The following FRMD4B variants were observed in gnomAD, a reference collection of about 807,000 sequenced individuals.
FRMD4B encodes FERM domain containing 4B, also known as FERM domain-containing protein 4B.
Under a neutral mutation model 141.5 loss-of-function variants are expected in FRMD4B, and 74 were observed. That is an observed-to-expected ratio of 0.52 (90% CI 0.43 to 0.63). The LOEUF (loss-of-function observed/expected upper bound fraction) is 0.63, where lower values mean the gene tolerates loss of function less well. Ranked by LOEUF, FRMD4B falls within the 30% of genes least tolerant of loss-of-function variation. The probability of loss-of-function intolerance (pLI) is 0.00; values close to 1 mark genes in which losing one functional copy is unlikely to be tolerated. For synonymous variants in FRMD4B, 506 were observed against 467.9 expected (o/e 1.08, Z -1.05); for missense variants, 1,366 against 1,253.4 (o/e 1.09, Z -1.36).
intron 18 of FRMD4B, 72 bp from the exon 19 acceptor site, chr3:69,187,989 C>A: frequency 1.2e-6 from 1 of 800,682 alleles, no homozygotes; most frequent in Non-Finnish European, 2.0e-6. Context: ...CTTGCCAATA[C>A]CTCAAAAAAG....
intron 1 of FRMD4B, among the ~76,000 whole-genome samples, chr3:69,522,054 C>T (rs1271335329): frequency 6.6e-6 from 1 of 152,136 alleles, no homozygotes; most frequent in Non-Finnish European, 1.5e-5. Context: ...AACTACTTTG[C>T]TTTTTATTCT....
intron 1 of FRMD4B, among the ~76,000 whole-genome samples, chr3:69,363,714 AC>A (rs1703547417): frequency 6.6e-6 from 1 of 152,160 alleles, no homozygotes; most frequent in African/African-American, 2.4e-5. Context: ...TCAAGAACAG[AC>A]AGCTTTTTAA....
chr3:69,241,950 G>C (rs1054430343), intron 7 of FRMD4B, among the ~76,000 whole-genome samples: 5 of 152,108 alleles, frequency 3.3e-5, no homozygotes, highest in African/African-American at 1.2e-4. Context: ...TAAAATGCAT[G>C]TGGTTTGGAG....
intron 1 of FRMD4B, among the ~76,000 whole-genome samples, chr3:69,330,953 T>A (rs1358847986): frequency 6.6e-6 from 1 of 152,228 alleles, no homozygotes; most frequent in Admixed American, 6.5e-5. Context: ...CATGTCATTA[T>A]GCTCTGTCGG....
intron 1 of FRMD4B, among the ~76,000 whole-genome samples, chr3:69,464,943 G>A (rs1378079274): frequency 6.6e-6 from 1 of 152,158 alleles, no homozygotes; most frequent in African/African-American, 2.4e-5. Flanking sequence ...ACAAAGAGAT[G>A]GAGGGAAAAC....
At chr3:69,198,432 A>C in intron 12 of FRMD4B, 1 of 410,482 alleles carries the variant, frequency 2.4e-6, no homozygotes, top group Non-Finnish European at 4.4e-6. Flanking sequence ...AAAACTAAAA[A>C]TAACAAGTGT....
chr3:69,385,798 G>A, intron 1 of FRMD4B, 30 bp downstream of exon 1: 1 of 1,509,010 alleles, frequency 6.6e-7, no homozygotes, highest in Non-Finnish European at 8.9e-7. Flanking sequence ...ATCCTGCTGG[G>A]GCCCTCGGGT....
At chr3:69,445,932 C>T (rs1037361959) in intron 1 of FRMD4B, among the ~76,000 whole-genome samples, 4 of 152,206 alleles carry the variant, frequency 2.6e-5, no homozygotes, top group Non-Finnish European at 5.9e-5. Flanking sequence ...GGAGATATTG[C>T]TTTGTCCTGT....
chr3:69,182,721 T>C lies in FRMD4B; in HGVS notation c.1920-4A>G. On this transcript the variant is annotated splice_polypyrimidine_tract_variant and splice_region_variant and intron_variant, in intron 19 of 22. Coordinates refer to ENST00000398540, the MANE Select transcript of FRMD4B (RefSeq NM_015123.3). ...GCTGTGTGTGGACAGCATTTCTCTGTGATGATAAAAAGAAGAATTCAGGAA... is the reference window on the plus strand; with the variant it reads ...GCTGTGTGTGGACAGCATTTCTCTGCGATGATAAAAAGAAGAATTCAGGAA... The C allele has an allele frequency of 1.2e-6, 2 of 1,610,286 alleles. No homozygotes were observed. The highest frequency in any genetic ancestry group is 8.5e-7 in the Non-Finnish European group (1 of 1,178,962).
intron 14 of FRMD4B, among the ~76,000 whole-genome samples, chr3:69,196,019 T>C (rs570078723): frequency 1.3e-5 from 2 of 152,346 alleles, no homozygotes; most frequent in African/African-American, 2.4e-5. Context: ...CACACCTTGG[T>C]ACTCACCATC....
intron 3 of FRMD4B, among the ~76,000 whole-genome samples, chr3:69,309,942 G>A (rs78872816): frequency 0.029 from 4,361 of 152,222 alleles, 134 homozygotes; most frequent in Admixed American, 0.094. Flanking sequence ...ATGTGTGTGC[G>A]TGTTCAATCA....
In FRMD4B at chr3:69,181,454, A is replaced by T. The variant is rs200552074; in HGVS notation, c.2296T>A (p.Ser766Thr). 8.8e-5 allele frequency: 142 copies of T among 1,613,136 alleles called. No individual in the cohort carries two copies. The highest frequency in any genetic ancestry group is 1.1e-4 in the Non-Finnish European group (135 of 1,179,730). The part of the protein sequence containing the change: ...LDTRTRGRRR[S>T]KKQNVSTSNS... ...GAAGTAGAAACATTCTGTTTCTTTGACCTCCTCCGACCCCTGGTGCGAGTG... is the reference window on the plus strand; with the variant it reads ...GAAGTAGAAACATTCTGTTTCTTTGTCCTCCTCCGACCCCTGGTGCGAGTG... Residue 766 changes from serine (S) to threonine (T), a missense_variant, in exon 21 of 23, where the codon TCA becomes ACA. Coordinates refer to ENST00000398540, the MANE Select transcript of FRMD4B (RefSeq NM_015123.3).
At chr3:69,536,385 C>T in intron 1 of FRMD4B, 1 of 711,230 alleles carries the variant, frequency 1.4e-6, no homozygotes, top group South Asian at 1.5e-5. Context: ...GGCTGCGGCA[C>T]ATGCCAGTGG....
Position 69,289,589 on chromosome 3 carries a change from A to G in FRMD4B, c.417-1753T>C, listed in dbSNP as rs1700806992. ...GGCGGGCAGATCACTTGAAGTCAGG[A>G]GTTCCAGACCATCCTGGCCACCATG... On this transcript the variant is annotated intron_variant, in intron 4 of 22. Transcript: ENST00000398540. Among the ~76,000 whole-genome samples, 3 of 151,604 alleles carry G rather than the reference A, an allele frequency of 2.0e-5. No individual in the cohort carries two copies. The South Asian group carries it at 6.3e-4, about 32-fold the overall frequency.
intron 7 of FRMD4B, among the ~76,000 whole-genome samples, chr3:69,235,892 T>C (rs756319506): frequency 8.5e-5 from 13 of 152,128 alleles, no homozygotes; most frequent in Non-Finnish European, 1.6e-4. Context: ...CAACTTTGCC[T>C]TACTCCTCCA....
intron 7 of FRMD4B, among the ~76,000 whole-genome samples, chr3:69,228,158 G>A (rs9869509): frequency 0.66 from 100,619 of 152,120 alleles, 34,362 homozygotes; most frequent in South Asian, 0.84. Context: ...ATAATGCACA[G>A]AACAGCCCTC....
At chr3:69,196,759 C>A (rs9823592) in intron 13 of FRMD4B, 141 bp downstream of exon 13, 628,466 of 653,586 alleles carry the variant, frequency 0.96, 304,712 homozygotes, top group Non-Finnish European at 0.99. Flanking sequence ...ATATAAAAAA[C>A]CTGAAATAGT....
chr3:69,236,362 G>A (rs1168742248), intron 7 of FRMD4B, among the ~76,000 whole-genome samples: 1 of 151,818 alleles, frequency 6.6e-6, no homozygotes, highest in African/African-American at 2.4e-5. Context: ...CTGAGTAGCT[G>A]GGACTATAGG....
At chr3:69,172,222 T>G (rs543541590) in intron 22 of FRMD4B, among the ~76,000 whole-genome samples, 1 of 152,250 alleles carries the variant, frequency 6.6e-6, no homozygotes. Flanking sequence ...TTGTTTAACT[T>G]GTGTTTCATT....
Sources: allele counts gnomAD v4.1 joint callset (sites outside exome capture counted in the v4.1 genomes callset), GRCh38; gene constraint gnomAD v4.1.1; transcripts MANE v1.5; gene names NCBI Gene and HGNC (gene_info 2026-07-23, HGNC 2026-07-21).